The following ZFAND2A variants were observed in gnomAD, a reference collection of about 807,000 sequenced individuals.
The protein encoded by ZFAND2A is AN1-type zinc finger protein 2A.
A neutral mutation model predicts 11.6 loss-of-function variants in ZFAND2A; 20 were observed. The observed-to-expected ratio is 1.72, with a 90% CI of 1.21 to 2.50. ZFAND2A has a LOEUF of 2.50. ZFAND2A is among the 30% of genes most tolerant of loss of function. ZFAND2A has a pLI of 0.00. For missense variants in ZFAND2A, 234 were observed against 182.9 expected (o/e 1.28, Z -1.61); for synonymous variants, 93 against 60.6 (o/e 1.54, Z -2.48).
chr7:1,156,896 C>CCT (rs1482994726), intron 3 of ZFAND2A: 1 of 152,360 alleles, frequency 6.6e-6, no homozygotes, highest in Non-Finnish European at 1.5e-5. Flanking sequence ...GTCATCCGTG[C>CCT]CTAGTAAACG....
downstream of ZFAND2A, among the ~76,000 whole-genome samples, chr7:1,151,762 T>TTAAAAAAAAAAAAAAAAA (rs1554344524): frequency 2.4e-4 from 21 of 87,176 alleles, 1 homozygote; most frequent in African/African-American, 1.0e-3. Flanking sequence ...TCATCCCTTT[T>TTAAAAAAAAAAAAAAAAA]AAAAAAAAAA....
downstream of ZFAND2A, among the ~76,000 whole-genome samples, chr7:1,150,711 T>C (rs1030278650): frequency 6.6e-6 from 1 of 152,190 alleles, no homozygotes; most frequent in Non-Finnish European, 1.5e-5. Context: ...TCTCTGGCAC[T>C]TGTGGAAGCC....
intron 4 of ZFAND2A, 118 bp from the exon 5 acceptor site, chr7:1,153,342 G>C: frequency 2.7e-6 from 3 of 1,093,988 alleles, no homozygotes; most frequent in Non-Finnish European, 3.9e-6. Context: ...CTGCCTCCTG[G>C]ACTCAAGTGA....
Position 1,153,081 on chromosome 7 carries a change from G to A in ZFAND2A, c.426C>T (p.Ile142=). The change falls in exon 5 of 5, where the codon ATC becomes ATT. Residue 142 remains isoleucine, a synonymous_variant. Coordinates refer to ENST00000316495, the MANE Select transcript of ZFAND2A (RefSeq NM_182491.4). ...GCGGAGTCTCTTCTCACCCAGCTTT[G>A]ATGGTGGGGCGACTCCCGTGTCTGC... ...HSCRHGSRPT[I]KAG is the part of the protein sequence containing the mutation. 1 of 1,614,162 alleles carries A rather than the reference G, an allele frequency of 6.2e-7. No homozygotes were observed. The highest frequency in any genetic ancestry group is 8.5e-7 in the Non-Finnish European group (1 of 1,180,028).
At chr7:1,157,555 T>C (rs1793558360) in intron 3 of ZFAND2A, 101 bp downstream of exon 3, 2 of 1,198,842 alleles carry the variant, frequency 1.7e-6, no homozygotes, top group South Asian at 1.5e-5. Flanking sequence ...AAATTTAATT[T>C]TCAATGAGTT....
At chr7:1,155,355 A>T (rs1223197856) in intron 4 of ZFAND2A, 98 bp downstream of exon 4, 13 of 1,522,032 alleles carry the variant, frequency 8.5e-6, no homozygotes, top group Non-Finnish European at 1.1e-5. Flanking sequence ...TACTTTGTAC[A>T]TAAACTATTG....
intron 4 of ZFAND2A, among the ~76,000 whole-genome samples, chr7:1,154,880 G>A (rs957738532): frequency 6.6e-6 from 1 of 152,152 alleles, no homozygotes. Flanking sequence ...AGCACTTTGG[G>A]AGGCTGAGGC....
Position 1,159,436 on chromosome 7 carries a change from C to T in ZFAND2A, c.-46+528G>A, listed in dbSNP as rs79344921. 0.017 allele frequency among the ~76,000 whole-genome samples: 2,622 copies of T among 151,206 alleles called. 116 individuals carry two copies. In the East Asian group the frequency reaches 0.19, roughly 11 times the overall value. On this transcript the variant is annotated intron_variant, in intron 1 of 4. Coordinates refer to ENST00000316495, the MANE Select transcript of ZFAND2A (RefSeq NM_182491.4). Reference sequence around the variant, plus strand: ...ACTACGGCCCCGATGGCAGGCCCGGCCCCCAGCAGACAGCCGGACTCCCAG... The same window carrying T: ...ACTACGGCCCCGATGGCAGGCCCGGTCCCCAGCAGACAGCCGGACTCCCAG...
At chr7:1,152,431 T>C (rs1258013498), downstream of ZFAND2A, 17 of 1,425,222 alleles carry the variant, frequency 1.2e-5, no homozygotes, top group Non-Finnish European at 1.6e-5. Context: ...CAACTACCAC[T>C]GGCCTGGCCC....
intron 4 of ZFAND2A, 98 bp downstream of exon 4, chr7:1,155,355 A>C: frequency 6.6e-7 from 1 of 1,522,150 alleles, no homozygotes; most frequent in Non-Finnish European, 8.9e-7. Context: ...TACTTTGTAC[A>C]TAAACTATTG....
chr7:1,151,798 T>C (rs1584022359), downstream of ZFAND2A, among the ~76,000 whole-genome samples: 1 of 122,156 alleles, frequency 8.2e-6, no homozygotes, highest in African/African-American at 3.1e-5. Context: ...GCATTGAAGC[T>C]GGGGATTCCC....
downstream of ZFAND2A, among the ~76,000 whole-genome samples, chr7:1,151,394 T>A (rs1233331763): frequency 6.6e-6 from 1 of 152,044 alleles, no homozygotes; most frequent in Non-Finnish European, 1.5e-5. Context: ...CTTGGCCAGA[T>A]AGTCACATCG....
chr7:1,151,762 T>TAAAAGAAAAAAAAA (rs1554344525), downstream of ZFAND2A, among the ~76,000 whole-genome samples: 44 of 87,170 alleles, frequency 5.0e-4, 2 homozygotes, highest in Admixed American at 7.4e-4. Context: ...TCATCCCTTT[T>TAAAAGAAAAAAAAA]AAAAAAAAAA....
rs1554344678 is a variant in ZFAND2A at position 1,153,061 on chromosome 7, G to A, written c.*8C>T. ...GCGTGCTCCGAGCCATCGCAGCGGA[G>A]TCTCTTCTCACCCAGCTTTGATGGT... On this transcript the variant is annotated 3_prime_UTR_variant, in exon 5 of 5. Transcript: ENST00000316495. 6.2e-7 allele frequency: 1 copy of A among 1,614,176 alleles called. No individual in the cohort carries two copies. Among genetic ancestry groups the A allele is most frequent in the Admixed American group, 1.7e-5 (1 of 60,024 alleles).
rs374473102 is a variant in ZFAND2A at position 1,158,218 on chromosome 7, G to C, written c.-6C>G. The C allele has an allele frequency of 1.5e-5, 25 of 1,613,916 alleles. No homozygotes were observed. In the African/African-American group the frequency reaches 3.2e-4, roughly 21 times the overall value. On this transcript the variant is annotated 5_prime_UTR_variant, in exon 2 of 5. Transcript: ENST00000316495. ...CCCAAATCAGGAAACTCCATTATGAGAACAGTGCTCAAAACGCAGATGGCG... is the reference window on the plus strand; with the variant it reads ...CCCAAATCAGGAAACTCCATTATGACAACAGTGCTCAAAACGCAGATGGCG...
At chr7:1,155,711 C>G in intron 3 of ZFAND2A, 127 bp from the exon 4 acceptor site, 1 of 1,256,398 alleles carries the variant, frequency 8.0e-7, no homozygotes, top group African/African-American at 1.5e-5. Context: ...CTCCCGAGCC[C>G]TCCGAGAACA....
downstream of ZFAND2A, among the ~76,000 whole-genome samples, chr7:1,151,459 T>C (rs1211051683): frequency 6.6e-6 from 1 of 151,870 alleles, no homozygotes; most frequent in Non-Finnish European, 1.5e-5. Flanking sequence ...TTTGCTGGTT[T>C]TGAACTCCTG....
rs753506446 is a variant in ZFAND2A, at chr7:1,155,550, G to T, written c.185C>A (p.Thr62Asn). The change falls in exon 4 of 5, where the codon ACC (threonine) becomes AAC (asparagine). Residue 62 changes from threonine (T) to asparagine (N), a missense_variant. By Grantham distance (65) the Thr-to-Asn change is moderately conservative. Transcript: ENST00000316495. ...CTGGCCCTTTTTTACTGGGATGGGG[G>T]TATTACAGAGTGGGCATACTGGGAC... is the stretch of plus-strand genomic sequence containing the variant. The part of the protein sequence containing the change: ...VHVPVCPLCN[T>N]PIPVKKGQIP... 10 of 1,613,762 alleles carry T rather than the reference G, an allele frequency of 6.2e-6. No individual in the cohort carries two copies. Among genetic ancestry groups the T allele is most frequent in the Non-Finnish European group, 8.5e-6 (10 of 1,179,802 alleles).
downstream of ZFAND2A, chr7:1,152,036 A>C (rs182638305): frequency 1.7e-5 from 8 of 483,366 alleles, no homozygotes; most frequent in Admixed American, 3.1e-4. Context: ...TTCAGAAACC[A>C]GCTGTATGAT....
Sources: allele counts gnomAD v4.1 joint callset (sites outside exome capture counted in the v4.1 genomes callset), GRCh38; gene constraint gnomAD v4.1.1; transcripts MANE v1.5; gene names NCBI Gene and HGNC (gene_info 2026-07-23, HGNC 2026-07-21).